Variants in CKAP2 observed in about 807,000 individuals in gnomAD.
CKAP2 encodes the protein cytoskeleton associated protein 2, also known as cytoskeleton-associated protein 2.
In CKAP2, 46 loss-of-function variants were observed where a neutral mutation model predicts 58.4. The ratio of observed to expected loss-of-function variants is 0.79; its 90% CI spans 0.62 to 1.01. The LOEUF is 1.01. Ranked by LOEUF, CKAP2 falls within the 50% of genes least tolerant of loss-of-function variation. The pLI, the probability that CKAP2 is intolerant of heterozygous loss-of-function variation, is 0.00. For synonymous variants in CKAP2, 293 were observed against 280.9 expected, an observed-to-expected ratio of 1.04 and a Z score of -0.43; for missense variants, 809 against 796.4, an observed-to-expected ratio of 1.02 and a Z score of -0.19.
At position 52,461,459 on chromosome 13, in the gene CKAP2, A is replaced by G. The variant is rs554190752; in HGVS notation, c.633A>G (p.Ile211Met). Residue 211 changes from isoleucine to methionine, a missense_variant, in exon 4 of 9, where the codon ATA (isoleucine) becomes ATG (methionine). By Grantham distance (10) the Ile-to-Met change is conservative. Coordinates refer to ENST00000258607, the MANE Select transcript of CKAP2 (RefSeq NM_018204.5). ...SAATKKLSATIPKATKPQPVN... is the reference protein window; with the variant it reads ...SAATKKLSATMPKATKPQPVN... ...CAACAAAGAAACTTTCAGCCACTAT[A>G]CCTAAAGCCACAAAACCTCAGCCTG... 7 of 1,614,164 alleles carry G rather than the reference A, an allele frequency of 4.3e-6. No individual in the cohort carries two copies. In the East Asian group the frequency reaches 1.3e-4, roughly 31 times the overall value.
intron 7 of CKAP2, among the ~76,000 whole-genome samples, chr13:52,471,668 G>A (rs897706045): frequency 8.5e-5 from 13 of 152,226 alleles, no homozygotes; most frequent in Middle Eastern, 3.4e-3. Flanking sequence ...GGTTGTCCAG[G>A]TCAGAATCTT....
At chr13:52,473,798 A>G in intron 7 of CKAP2, 31 bp from the exon 8 acceptor site, 2 of 1,554,366 alleles carry the variant, frequency 1.3e-6, no homozygotes, top group Non-Finnish European at 1.7e-6. Flanking sequence ...AATTCAGCCA[A>G]AAGCTTAATC....
In CKAP2 at chr13:52,461,468, C is replaced by T; in HGVS notation, c.642C>T (p.Ala214=). The change falls in exon 4 of 9, where the codon GCC becomes GCT. Residue 214 remains alanine (A), a synonymous_variant. Coordinates refer to ENST00000258607, the MANE Select transcript of CKAP2 (RefSeq NM_018204.5). ...AACTTTCAGCCACTATACCTAAAGCCACAAAACCTCAGCCTGTAAACACCA... is the reference window on the plus strand; with the variant it reads ...AACTTTCAGCCACTATACCTAAAGCTACAAAACCTCAGCCTGTAAACACCA... ...TKKLSATIPK[A]TKPQPVNTSS... is the part of the protein sequence containing the mutation. 1 of 1,614,116 alleles carries T rather than the reference C, an allele frequency of 6.2e-7. No individual in the cohort carries two copies.
chr13:52,471,907 T>G (rs1958766100), intron 7 of CKAP2, among the ~76,000 whole-genome samples: 1 of 152,176 alleles, frequency 6.6e-6, no homozygotes, highest in Admixed American at 6.5e-5. Flanking sequence ...TTCTCAACAC[T>G]GCAACCAAAA....
intron 5 of CKAP2, 107 bp downstream of exon 5, chr13:52,462,674 A>G: frequency 1.2e-6 from 1 of 843,672 alleles, no homozygotes; most frequent in South Asian, 1.8e-5. Flanking sequence ...GATGTTGGTG[A>G]TACTATGTTG....
intron 1 of CKAP2, chr13:52,455,852 A>T: frequency 1.2e-6 from 1 of 859,594 alleles, no homozygotes; most frequent in East Asian, 3.9e-5. Context: ...GCTGGCTGGG[A>T]TGGGCCCTCC....
chr13:52,467,111 A>G (rs1958690809), intron 6 of CKAP2, among the ~76,000 whole-genome samples: 1 of 151,900 alleles, frequency 6.6e-6, no homozygotes, highest in Non-Finnish European at 1.5e-5. Context: ...AAAAAAAAAA[A>G]AAAAAAAAAT....
At chr13:52,465,968 C>T (rs1267227165) in intron 6 of CKAP2, 1 of 226,560 alleles carries the variant, frequency 4.4e-6, no homozygotes, top group Non-Finnish European at 8.7e-6. Context: ...CACATATATA[C>T]ACACATATAT....
chr13:52,465,388 G>T lies in CKAP2; in HGVS notation c.1399G>T (p.Ala467Ser). 1 of 1,613,322 alleles carries T rather than the reference G, an allele frequency of 6.2e-7. No homozygotes were observed. The highest frequency in any genetic ancestry group is 8.5e-7 in the Non-Finnish European group (1 of 1,179,454). The stretch of plus-strand genomic sequence containing the variant: ...GCTTGTTAAGTATTGGATATGTCTT[G>T]CACTTATTGAACCAATCACAAGTCC... ...KKLVKYWICL[A>S]LIEPITSPIE... Residue 467 changes from alanine (A) to serine (S), a missense_variant, in exon 6 of 9, where the codon GCA becomes TCA. Physicochemically the swap from Ala to Ser is moderately conservative, Grantham distance 99. Around this residue, in one of 3 missense-constraint regions of CKAP2, gnomAD observed 283 missense variants for 287.6 expected, o/e 0.98. Coordinates refer to ENST00000258607, the MANE Select transcript of CKAP2 (RefSeq NM_018204.5).
Position 52,461,936 on chromosome 13 carries a change from T to A in CKAP2, c.1100+10T>A. Reference sequence around the variant, plus strand: ...CCTCGGAAGAGAGAAAGTAAGTAGATATAATTTTCTTTATTACATTAGTTT... The same window carrying A: ...CCTCGGAAGAGAGAAAGTAAGTAGAAATAATTTTCTTTATTACATTAGTTT... On this transcript the variant is annotated intron_variant, in intron 4 of 8. Transcript: ENST00000258607. 1 of 1,564,438 alleles carries A rather than the reference T, an allele frequency of 6.4e-7. No homozygotes were observed. Among genetic ancestry groups the A allele is most frequent in the Non-Finnish European group, 8.6e-7 (1 of 1,160,900 alleles).
At chr13:52,467,820 T>TG (rs1958702974) in intron 6 of CKAP2, among the ~76,000 whole-genome samples, 2 of 151,776 alleles carry the variant, frequency 1.3e-5, no homozygotes, top group African/African-American at 4.8e-5. Flanking sequence ...TTTTTGTTTT[T>TG]TTTTTTTGAG....
At chr13:52,465,887 C>G in intron 6 of CKAP2, 1 of 285,716 alleles carries the variant, frequency 3.5e-6, no homozygotes, top group South Asian at 2.8e-5. Flanking sequence ...AAGAGTAAAC[C>G]CGAATGTACT....
Position 52,474,877 on chromosome 13 carries a change from T to A in CKAP2, c.1803-18T>A. On this transcript the variant is annotated intron_variant, in intron 8 of 8. Transcript: ENST00000258607. ...GTTAACATGTTTTTGAACTCTGGAA[T>A]ATTGTTTTAATTTTCAGTGTGAAAA... 8 of 1,604,666 alleles carry A rather than the reference T, an allele frequency of 5.0e-6. No homozygotes were observed. Among genetic ancestry groups the A allele is most frequent in the Non-Finnish European group, 6.8e-6 (8 of 1,174,014 alleles).
chr13:52,460,099 T>TC lies in CKAP2; in HGVS notation c.156-794dup, dbSNP rs202067031. On this transcript the variant is annotated intron_variant, in intron 2 of 8. Coordinates refer to ENST00000258607, the MANE Select transcript of CKAP2 (RefSeq NM_018204.5). ...CTCTCGAACTCCTGAGCTCAAGTAA[T>TC]CCCCCCACCTCGGCCTCCCAAAGTG... Among the ~76,000 whole-genome samples, 9 of 151,928 alleles carry TC rather than the reference T, an allele frequency of 5.9e-5. No individual in the cohort carries two copies. In the South Asian group the frequency reaches 8.3e-4, roughly 14 times the overall value.
Position 52,475,198 on chromosome 13 carries a change from T to C in CKAP2, c.*57T>C, listed in dbSNP as rs984765086. On this transcript the variant is annotated 3_prime_UTR_variant, in exon 9 of 9. Coordinates refer to ENST00000258607, the MANE Select transcript of CKAP2 (RefSeq NM_018204.5). ...TTTATTATTTGTGGGGTGTTTTGTT[T>C]TGAGTAGCTTTATATTGCTCTTAGG... 6.3e-7 allele frequency: 1 copy of C among 1,583,790 alleles called. No homozygotes were observed. Among genetic ancestry groups the C allele is most frequent in the Non-Finnish European group, 8.6e-7 (1 of 1,165,502 alleles).
At chr13:52,471,961 C>T (rs1037415833) in intron 7 of CKAP2, among the ~76,000 whole-genome samples, 5 of 152,216 alleles carry the variant, frequency 3.3e-5, no homozygotes, top group Non-Finnish European at 5.9e-5. Flanking sequence ...CCAGCCTCTT[C>T]TCTTTCCCTC....
intron 5 of CKAP2, among the ~76,000 whole-genome samples, chr13:52,464,143 A>G (rs1418986818): frequency 6.6e-6 from 1 of 152,210 alleles, no homozygotes; most frequent in Non-Finnish European, 1.5e-5. Context: ...TCTATTCATT[A>G]TATTTACACA....
Position 52,468,298 on chromosome 13 carries a change from C to T in CKAP2, c.1497C>T (p.His499=), listed in dbSNP as rs1172410541. The T allele has an allele frequency of 6.3e-7, 1 of 1,598,826 alleles. No individual in the cohort carries two copies. Among genetic ancestry groups the T allele is most frequent in the East Asian group, 2.2e-5 (1 of 44,598 alleles). ...TTAAGCCTATTGAAGAGATGCGACACACGATTGTAGATATTCTAACAATGA... is the reference window on the plus strand; with the variant it reads ...TTAAGCCTATTGAAGAGATGCGACATACGATTGTAGATATTCTAACAATGA... ...AGAQPIEEMR[H]TIVDILTMKS... Residue 499 remains histidine, a synonymous_variant, in exon 7 of 9, where the codon CAC becomes CAT. Coordinates refer to ENST00000258607, the MANE Select transcript of CKAP2 (RefSeq NM_018204.5).
In CKAP2 at chr13:52,462,505, C is replaced by G; in HGVS notation, c.1243C>G (p.Gln415Glu). The G allele has an allele frequency of 6.2e-7, 1 of 1,613,948 alleles. No individual in the cohort carries two copies. The highest frequency in any genetic ancestry group is 8.5e-7 in the Non-Finnish European group (1 of 1,179,948). ...GACTACCATGGCAGAAGAAGATGAA[C>G]AAAGATTATTTACTGAAAAAGTAAA... Reference protein sequence around the residue: ...FWTTMAEEDEQRLFTEKVNNT... With the variant: ...FWTTMAEEDEERLFTEKVNNT... Residue 415 changes from glutamine to glutamate, a missense_variant, in exon 5 of 9, where the codon CAA (glutamine) becomes GAA (glutamate). Coordinates refer to ENST00000258607, the MANE Select transcript of CKAP2 (RefSeq NM_018204.5).
Sources: allele counts gnomAD v4.1 joint callset (sites outside exome capture counted in the v4.1 genomes callset), GRCh38; gene constraint gnomAD v4.1.1; regional missense constraint gnomAD v4.1.1; transcripts MANE v1.5; gene names NCBI Gene and HGNC (gene_info 2026-07-23, HGNC 2026-07-21).